The following NBR1 variants were observed in gnomAD, a reference collection of about 807,000 sequenced individuals.
The protein encoded by NBR1 is NBR1 autophagy cargo receptor, also known as next to BRCA1 gene 1 protein.
Under a neutral mutation model 115.5 loss-of-function variants are expected in NBR1, and 59 were observed. The observed-to-expected ratio is 0.51, with a 90% CI of 0.41 to 0.63. The LOEUF (loss-of-function observed/expected upper bound fraction) is 0.63. Among genes scored for constraint, NBR1 ranks in the 30% least tolerant of loss-of-function variants. The pLI is 0.00. For missense variants in NBR1, 1,043 were observed against 1,150.5 expected, an observed-to-expected ratio of 0.91 and a Z score of 1.35; for synonymous variants, 373 against 414.7, an observed-to-expected ratio of 0.90 and a Z score of 1.22.
At chr17:43,178,664 A>C (rs144230877) in intron 3 of NBR1, among the ~76,000 whole-genome samples, 3 of 152,178 alleles carry the variant, frequency 2.0e-5, no homozygotes, top group African/African-American at 7.2e-5. Flanking sequence ...GTTGTGAGCT[A>C]CCACACCTGG....
Position 43,197,011 on chromosome 17 carries a change from G to A in NBR1, c.1931G>A (p.Ser644Asn), listed in dbSNP as rs765095255. ...ASVEEAEEDL[S>N]GTQFVCETVI... ...GTGGAGGAAGCAGAAGAAGACCTGA[G>A]TGGGACCCAGTTTGTGTGTGAGACA... The change falls in exon 16 of 21, where the codon AGT becomes AAT. Residue 644 changes from serine to asparagine, a missense_variant. Ser to Asn is a conservative substitution (Grantham distance 46). Transcript: ENST00000590996. 1 of 1,614,026 alleles carries A rather than the reference G, an allele frequency of 6.2e-7. No individual in the cohort carries two copies. Among genetic ancestry groups the A allele is most frequent in the Non-Finnish European group, 8.5e-7 (1 of 1,179,882 alleles).
In NBR1 at chr17:43,201,789, C is replaced by T. The variant is rs2306829; in HGVS notation, c.2563+9C>T. 486,240 of 1,483,208 alleles carry T rather than the reference C, an allele frequency of 0.33. 82,820 individuals carry two copies. Among genetic ancestry groups the T allele is most frequent in the South Asian group, 0.5 (43,560 of 87,630 alleles). The allele number at this position is 1,483,208 out of a possible 1,614,324, so 91.9% of individuals were successfully genotyped here. On this transcript the variant is annotated intron_variant, in intron 18 of 20. Coordinates refer to ENST00000590996, the MANE Select transcript of NBR1 (RefSeq NM_005899.5). Reference sequence around the variant, plus strand: ...TGATCAGATCAGAGGAGGTAATGATCAGCCTAAGCTTTTTCTCTTTTTCTC... The same window carrying T: ...TGATCAGATCAGAGGAGGTAATGATTAGCCTAAGCTTTTTCTCTTTTTCTC...
chr17:43,179,256 T>C (rs1262004363), intron 3 of NBR1, 138 bp from the exon 4 acceptor site: 6 of 716,884 alleles, frequency 8.4e-6, no homozygotes, highest in South Asian at 5.0e-5. Flanking sequence ...TTAAGTGTTA[T>C]TCATGACTAG....
At chr17:43,194,706 C>T (rs2057027266) in intron 13 of NBR1, 2 of 650,338 alleles carry the variant, frequency 3.1e-6, no homozygotes, top group East Asian at 2.8e-5. Context: ...TCCTGTACTT[C>T]CCCACAAACT....
Position 43,201,744 on chromosome 17 carries a change from C to A in NBR1, c.2527C>A (p.Pro843Thr). The change falls in exon 18 of 21, where the codon CCA (proline) becomes ACA (threonine). Residue 843 changes from proline to threonine, a missense_variant. By Grantham distance (38) the Pro-to-Thr change is conservative. Transcript: ENST00000590996. ...AGGAGTGGATTTACCAGTTACCATACCAGAAGTTTCTTCAGTCCCTGATCA... is the reference window on the plus strand; with the variant it reads ...AGGAGTGGATTTACCAGTTACCATAACAGAAGTTTCTTCAGTCCCTGATCA... ...SPGVDLPVTIPEVSSVPDQIR... is the reference protein window; with the variant it reads ...SPGVDLPVTITEVSSVPDQIR... The A allele has an allele frequency of 1.9e-6, 3 of 1,607,428 alleles. No individual in the cohort carries two copies. The Admixed American group carries it at 5.0e-5, about 27-fold the overall frequency.
intron 8 of NBR1, 79 bp from the exon 9 acceptor site, chr17:43,190,530 T>G: frequency 1.4e-6 from 2 of 1,479,740 alleles, no homozygotes; most frequent in Middle Eastern, 3.4e-4. Context: ...GGAGCAAACA[T>G]AGAAGTATGG....
In NBR1 at chr17:43,191,651, T is replaced by A. The variant is rs913424208; in HGVS notation, c.1073+70T>A. On this transcript the variant is annotated intron_variant, in intron 10 of 20. Transcript: ENST00000590996. ...CTCTGAAACTGGAACTTCAACCAAT[T>A]TCCGTCTTATTTATTGGTAGCCCTT... 7.6e-5 allele frequency: 76 copies of A among 998,714 alleles called. 1 individual carries two copies. Among genetic ancestry groups the A allele is most frequent in the Non-Finnish European group, 1.2e-5 (8 of 671,304 alleles). The allele number at this position is 998,714 out of a possible 1,614,324, so 61.9% of individuals were successfully genotyped here.
intron 20 of NBR1, among the ~76,000 whole-genome samples, chr17:43,204,813 T>TTA (rs2154582429): frequency 8.2e-6 from 1 of 122,258 alleles, no homozygotes; most frequent in African/African-American, 3.1e-5. Context: ...GACTCCATCT[T>TTA]AAAAAAAAAA....
intron 17 of NBR1, 80 bp downstream of exon 17, chr17:43,200,688 T>C: frequency 7.7e-7 from 1 of 1,302,594 alleles, no homozygotes; most frequent in Non-Finnish European, 1.1e-6. Flanking sequence ...TCAAAACCTG[T>C]TTTTTCCTCA....
In NBR1 at chr17:43,191,522, C is replaced by T. The variant is rs2056945996; in HGVS notation, c.1014C>T (p.Leu338=). 6.2e-7 allele frequency: 1 copy of T among 1,613,306 alleles called. No homozygotes were observed. Among genetic ancestry groups the T allele is most frequent in the Non-Finnish European group, 8.5e-7 (1 of 1,179,628 alleles). ...ACCTGTGGAATTCAATCCATGGACTCCAGAGCCCCAAGTCTCCTTTAGGCC... is the reference window on the plus strand; with the variant it reads ...ACCTGTGGAATTCAATCCATGGACTTCAGAGCCCCAAGTCTCCTTTAGGCC... ...KIHLWNSIHG[L]QSPKSPLGRP... Residue 338 remains leucine, a synonymous_variant, in exon 10 of 21, where the codon CTC becomes CTT. Coordinates refer to ENST00000590996, the MANE Select transcript of NBR1 (RefSeq NM_005899.5).
chr17:43,176,654 A>C (rs2056524009), intron 2 of NBR1: 1 of 151,134 alleles, frequency 6.6e-6, no homozygotes, highest in Admixed American at 6.6e-5. Context: ...TGACAGTGAG[A>C]CCCGTCTCAA....
chr17:43,202,270 C>T (rs2057219524), intron 18 of NBR1, among the ~76,000 whole-genome samples: 3 of 151,634 alleles, frequency 2.0e-5, no homozygotes, highest in African/African-American at 2.4e-5. Context: ...TATTGTTAGA[C>T]CTCATAGAGG....
At chr17:43,172,164 A>G (rs1233294253) in intron 1 of NBR1, among the ~76,000 whole-genome samples, 1 of 152,254 alleles carries the variant, frequency 6.6e-6, no homozygotes, top group Non-Finnish European at 1.5e-5. Context: ...CCTAAGACCC[A>G]GCTATCTGAC....
chr17:43,197,835 C>G (rs2057104646), intron 16 of NBR1, among the ~76,000 whole-genome samples: 1 of 152,152 alleles, frequency 6.6e-6, no homozygotes. Context: ...CAAAGTTTCT[C>G]AAGGTTAAAT....
At chr17:43,189,937 C>A (rs2056903122) in intron 8 of NBR1, 135 bp downstream of exon 8, 2 of 720,952 alleles carry the variant, frequency 2.8e-6, no homozygotes, top group Middle Eastern at 7.9e-4. Flanking sequence ...GAGTTGGAAG[C>A]ACAAGCTACT....
chr17:43,204,024 A>T (rs2057262850), intron 20 of NBR1, among the ~76,000 whole-genome samples: 1 of 146,868 alleles, frequency 6.8e-6, no homozygotes, highest in Non-Finnish European at 1.5e-5. Context: ...TGCAAGCTCC[A>T]CCTCCTGGGT....
At chr17:43,183,812 A>G (rs1176509582) in intron 5 of NBR1, among the ~76,000 whole-genome samples, 2 of 152,042 alleles carry the variant, frequency 1.3e-5, no homozygotes, top group Non-Finnish European at 1.5e-5. Flanking sequence ...GGCATGTGCC[A>G]CCACACCCAA....
Position 43,210,306 on chromosome 17 carries a change from T to G in NBR1, c.*232T>G. The G allele has an allele frequency of 2.5e-6, 1 of 397,606 alleles. No homozygotes were observed. Among genetic ancestry groups the G allele is most frequent in the Non-Finnish European group, 4.4e-6 (1 of 226,818 alleles). 24.6% of individuals were successfully genotyped at this position (397,606 alleles called of 1,614,324 possible). ...AATAGTATGAAGACAGTTTTTCAGT[T>G]GATTTGGATAAAACTATTTTAGTGC... On this transcript the variant is annotated 3_prime_UTR_variant, in exon 21 of 21. Transcript: ENST00000590996.
chr17:43,204,390 C>A (rs1360711450), intron 20 of NBR1, among the ~76,000 whole-genome samples: 1 of 152,122 alleles, frequency 6.6e-6, no homozygotes, highest in Non-Finnish European at 1.5e-5. Flanking sequence ...CAGTTCTTGG[C>A]CGGGTATGGT....
Sources: allele counts gnomAD v4.1 joint callset (sites outside exome capture counted in the v4.1 genomes callset), GRCh38; gene constraint gnomAD v4.1.1; transcripts MANE v1.5; gene names NCBI Gene and HGNC (gene_info 2026-07-23, HGNC 2026-07-21).